COL17A1: variants seen among roughly 807,000 people sequenced by gnomAD.
COL17A1 encodes the protein collagen type XVII alpha 1 chain.
COL17A1 carries 181 observed loss-of-function variants against 218.4 expected under a neutral mutation model. The ratio of observed to expected loss-of-function variants is 0.83; its 90% confidence interval spans 0.73 to 0.94. The LOEUF (loss-of-function observed/expected upper bound fraction) is 0.94. Ranked by LOEUF, COL17A1 falls within the 40% of genes least tolerant of loss-of-function variation. The probability of loss-of-function intolerance (pLI) is 0.00; values close to 1 mark genes in which losing one functional copy is unlikely to be tolerated. For missense variants in COL17A1, 1,924 were observed against 1,945.9 expected (o/e 0.99, Z 0.21); for synonymous variants, 721 against 731.0 (o/e 0.99, Z 0.22).
chr10:104,063,554 G>A (rs372847678), intron 11 of COL17A1, 193 bp downstream of exon 11: 9 of 829,500 alleles, frequency 1.1e-5, no homozygotes, highest in South Asian at 1.0e-4. Flanking sequence ...GTGGGCTCAC[G>A]TCCCCTCGCC....
chr10:104,063,865 A>G, intron 10 of COL17A1, 47 bp from the exon 11 acceptor site: 1 of 1,611,756 alleles, frequency 6.2e-7, no homozygotes, highest in South Asian at 1.1e-5. Context: ...TCTGGCCCAG[A>G]TAGGGATAGA....
In COL17A1 at chr10:104,036,521, A is replaced by G; in HGVS notation, c.3389T>C (p.Leu1130Pro). 1 of 1,613,900 alleles carries G rather than the reference A, an allele frequency of 6.2e-7. No individual in the cohort carries two copies. Among genetic ancestry groups the G allele is most frequent in the Non-Finnish European group, 8.5e-7 (1 of 1,179,930 alleles). ...GSLLSLDYAE[L>P]SSRILSYMSS... ...CATGTAGCTGAGAATGCGACTACTC[A>G]GCTCTGCATAGTCCAAAGACAGGAG... is the stretch of plus-strand genomic sequence containing the variant. Residue 1130 changes from leucine (L) to proline (P), a missense_variant, in exon 48 of 56, where the codon CTG becomes CCG. Coordinates refer to ENST00000648076, the MANE Select transcript of COL17A1 (RefSeq NM_000494.4).
At chr10:104,070,883 C>G (rs2086664088) in intron 8 of COL17A1, among the ~76,000 whole-genome samples, 1 of 152,142 alleles carries the variant, frequency 6.6e-6, no homozygotes, top group South Asian at 2.1e-4. Context: ...ACACTATTAT[C>G]TAGGATCAGG....
intron 36 of COL17A1, 114 bp downstream of exon 36, chr10:104,042,306 T>A: frequency 8.4e-7 from 1 of 1,194,726 alleles, no homozygotes; most frequent in East Asian, 2.4e-5. Context: ...CCTGTCCTCC[T>A]TTTCCAAAAC....
Position 104,045,767 on chromosome 10 carries a change from C to T in COL17A1, c.2389G>A (p.Gly797Arg). 2.5e-6 allele frequency: 4 copies of T among 1,612,406 alleles called. No individual in the cohort carries two copies. The Middle Eastern group carries it at 5.0e-4, about 200-fold the overall frequency. ...QGLPGTPGRP[G>R]IKGEPGAPGK... ...TTGGAAATTCACTTACCTTTTATTC[C>T]TGGTCGGCCAGGGGTACCGGGAAGT... Residue 797 changes from glycine to arginine, a missense_variant, in exon 33 of 56, where the codon GGA (glycine) becomes AGA (arginine). Physicochemically the swap from Gly to Arg is moderately radical, Grantham distance 125 (BLOSUM62 -2). Transcript: ENST00000648076.
In COL17A1 at chr10:104,034,089, C is replaced by T. The variant is rs941481896; in HGVS notation, c.4012G>A (p.Gly1338Ser). Residue 1338 changes from glycine to serine, a missense_variant, in exon 52 of 56, where the codon GGC (glycine) becomes AGC (serine). Gly to Ser is a moderately conservative substitution (Grantham distance 56). Coordinates refer to ENST00000648076, the MANE Select transcript of COL17A1 (RefSeq NM_000494.4). The part of the protein sequence containing the change: ...GEAAGDRGPY[G>S]TDIGPGGGYG... ...CCTCCGCCTGGGCCGATGTCAGTGC[C>T]ATAGGGACCCCTGTCTCCTGCAGCT... 3 of 1,614,026 alleles carry T rather than the reference C, an allele frequency of 1.9e-6. No homozygotes were observed. Among genetic ancestry groups the T allele is most frequent in the South Asian group, 1.1e-5 (1 of 91,082 alleles).
At chr10:104,041,663 G>A (rs1368559169) in intron 36 of COL17A1, 125 bp from the exon 37 acceptor site, 3 of 785,580 alleles carry the variant, frequency 3.8e-6, no homozygotes, top group Non-Finnish European at 6.4e-6. Context: ...CCAGACACCA[G>A]GCCCTGTGTC....
chr10:104,076,972 T>C (rs1011683352), intron 4 of COL17A1, among the ~76,000 whole-genome samples: 31 of 152,228 alleles, frequency 2.0e-4, no homozygotes, highest in African/African-American at 7.5e-4. Context: ...TGGGATCACA[T>C]GTCACCAGCT....
intron 8 of COL17A1, among the ~76,000 whole-genome samples, chr10:104,071,797 T>C (rs1273265472): frequency 6.6e-6 from 1 of 152,180 alleles, no homozygotes; most frequent in Non-Finnish European, 1.5e-5. Flanking sequence ...TGTCTCCCTA[T>C]TAGTCTGTGA....
intron 1 of COL17A1, among the ~76,000 whole-genome samples, chr10:104,084,473 C>T (rs1283317222): frequency 6.6e-6 from 1 of 152,040 alleles, no homozygotes; most frequent in Admixed American, 6.6e-5. Flanking sequence ...CCACACCCAG[C>T]TAATTTTTGT....
At chr10:104,042,161 A>G (rs2086366746) in intron 36 of COL17A1, among the ~76,000 whole-genome samples, 1 of 152,148 alleles carries the variant, frequency 6.6e-6, no homozygotes, top group Non-Finnish European at 1.5e-5. Context: ...TCTCTGGGTC[A>G]GCTGTACACT....
chr10:104,033,166 G>A, intron 53 of COL17A1, 72 bp downstream of exon 53: 2 of 1,547,328 alleles, frequency 1.3e-6, no homozygotes, highest in Non-Finnish European at 1.8e-6. Context: ...CATGAGACTG[G>A]TGTCTCTGGA....
At chr10:104,036,692 T>C in intron 47 of COL17A1, 60 bp from the exon 48 acceptor site, 2 of 1,588,770 alleles carry the variant, frequency 1.3e-6, no homozygotes, top group South Asian at 1.1e-5. Flanking sequence ...GCAGCCATGA[T>C]CCAGCCACAG....
chr10:104,060,543 G>C (rs1341490016), intron 13 of COL17A1, among the ~76,000 whole-genome samples: 2 of 152,096 alleles, frequency 1.3e-5, no homozygotes, highest in East Asian at 1.9e-4. Context: ...TATGGGGGCT[G>C]CCTCCCCTCC....
chr10:104,054,238 C>G (rs753393137), intron 20 of COL17A1, 120 bp from the exon 21 acceptor site: 80 of 938,422 alleles, frequency 8.5e-5, no homozygotes, highest in Non-Finnish European at 1.3e-4. Flanking sequence ...ATGCAGATGT[C>G]CAGTTACATT....
intron 18 of COL17A1, 55 bp downstream of exon 18, chr10:104,055,727 T>C (rs1421429854): frequency 3.7e-6 from 6 of 1,606,138 alleles, no homozygotes; most frequent in East Asian, 2.2e-5. Context: ...ACCACATAGA[T>C]GCAAAGAAGA....
Position 104,064,491 on chromosome 10 carries a change from ATGT to A in COL17A1, c.710_712del (p.Asn237del). The A allele has an allele frequency of 6.2e-7, 1 of 1,614,148 alleles. No individual in the cohort carries two copies. Among genetic ancestry groups the A allele is most frequent in the African/African-American group, 1.3e-5 (1 of 75,034 alleles). On this transcript the variant is annotated inframe_deletion, in exon 10 of 56. Transcript: ENST00000648076. ...GAGGAGGGATGAGCTCTGGGTTGTC[ATGT>A]TGTTGTGATAGGTCCCCATGGAGGA... is the stretch of plus-strand genomic sequence containing the variant.
rs202120590 is a variant in COL17A1 at position 104,076,323 on chromosome 10, G to A, written c.309C>T (p.His103=). ...SPGSTFERKT[H]VTRHAYEGSS... is the part of the protein sequence containing the mutation. Reference sequence around the variant, plus strand: ...TACCTTCATACGCATGGCGGGTAACGTGAGTTTTCCTTTCAAAGGTTGAGC... The same window carrying A: ...TACCTTCATACGCATGGCGGGTAACATGAGTTTTCCTTTCAAAGGTTGAGC... Residue 103 remains histidine (H), a synonymous_variant, in exon 5 of 56, where the codon CAC becomes CAT. Coordinates refer to ENST00000648076, the MANE Select transcript of COL17A1 (RefSeq NM_000494.4). 3.2e-5 allele frequency: 52 copies of A among 1,614,178 alleles called. No individual in the cohort carries two copies. In the East Asian group the frequency reaches 4.2e-4, roughly 13 times the overall value.
chr10:104,056,848 A>C, intron 17 of COL17A1, 127 bp downstream of exon 17: 3 of 1,526,680 alleles, frequency 2.0e-6, no homozygotes, highest in Non-Finnish European at 2.6e-6. Flanking sequence ...AAGGGTCTGC[A>C]CCAATGCATT....
Sources: gnomAD v4.1 joint callset for allele counts (sites outside exome capture counted in the v4.1 genomes callset) on GRCh38, gnomAD v4.1.1 for gene constraint, MANE v1.5 for transcripts, NCBI Gene and HGNC (gene_info 2026-07-23, HGNC 2026-07-21) for gene names.